Variants in GRM5 observed in about 807,000 individuals in gnomAD.
The protein encoded by GRM5 is glutamate metabotropic receptor 5.
GRM5 carries 19 observed loss-of-function variants against 83.1 expected under a neutral mutation model. The observed-to-expected ratio is 0.23, with a 90% CI of 0.16 to 0.34. The LOEUF is 0.34. GRM5 is among the 10% of genes least tolerant of loss of function. GRM5 has a pLI of 1.00. For missense variants in GRM5, 1,160 were observed against 1,588.3 expected, an observed-to-expected ratio of 0.73 and a Z score of 4.58; for synonymous variants, 675 against 633.6, an observed-to-expected ratio of 1.07 and a Z score of -0.98.
chr11:88,916,605 C>T (rs1230560875), intron 2 of GRM5, among the ~76,000 whole-genome samples: 1 of 151,978 alleles, frequency 6.6e-6, no homozygotes, highest in Non-Finnish European at 1.5e-5. Context: ...GACTGTAATT[C>T]CTGGGCAGTC....
intron 3 of GRM5, among the ~76,000 whole-genome samples, chr11:88,658,103 C>A (rs61902895): frequency 0.12 from 18,302 of 152,008 alleles, 1,461 homozygotes; most frequent in Non-Finnish European, 0.18. Flanking sequence ...AGCTCTGTCA[C>A]CTGTTAGATC....
In GRM5 at chr11:88,773,135, T is replaced by G. The variant is rs112622593; in HGVS notation, c.911+76771A>C. 2.5e-3 allele frequency among the ~76,000 whole-genome samples: 382 copies of G among 152,050 alleles called. 1 individual carries two copies. Among genetic ancestry groups the G allele is most frequent in the African/African-American group, 8.5e-3 (352 of 41,452 alleles). The stretch of plus-strand genomic sequence containing the variant: ...TGTTGTTTCCTGACTTTTTAATGAT[T>G]GCCATTCTAACTGGCATGAGATGGT... On this transcript the variant is annotated intron_variant, in intron 3 of 9. Coordinates refer to ENST00000305447, the MANE Select transcript of GRM5 (RefSeq NM_001143831.3).
intron 4 of GRM5, among the ~76,000 whole-genome samples, chr11:88,646,167 A>G (rs1161291286): frequency 6.6e-6 from 1 of 152,144 alleles, no homozygotes; most frequent in Non-Finnish European, 1.5e-5. Context: ...AGCAAGTGAC[A>G]GTATGGCTGT....
chr11:88,864,805 T>C (rs1000792638), intron 2 of GRM5, among the ~76,000 whole-genome samples: 3 of 152,092 alleles, frequency 2.0e-5, no homozygotes, highest in Non-Finnish European at 4.4e-5. Flanking sequence ...TGTGGGTTTC[T>C]CATAAATAGC....
chr11:88,605,005 C>A (rs369791540), intron 4 of GRM5, 41 bp from the exon 5 acceptor site: 4 of 1,549,968 alleles, frequency 2.6e-6, no homozygotes, highest in Admixed American at 3.4e-5. Flanking sequence ...AGGTACAAAT[C>A]TACTCTCGCG....
intron 9 of GRM5, chr11:88,523,013 G>T (rs191290159): frequency 6.6e-6 from 1 of 152,198 alleles, no homozygotes; most frequent in East Asian, 1.9e-4. Context: ...TACCCTCTCT[G>T]TCCCTTTCCC....
intron 3 of GRM5, among the ~76,000 whole-genome samples, chr11:88,661,205 C>T (rs2135317792): frequency 6.6e-6 from 1 of 152,248 alleles, no homozygotes; most frequent in East Asian, 1.9e-4. Context: ...ATGCTCAGTA[C>T]ATACCAAATA....
intron 2 of GRM5, among the ~76,000 whole-genome samples, chr11:88,974,390 T>TAGATAGATAGATAGAC (rs1939262285): frequency 6.6e-6 from 1 of 151,010 alleles, no homozygotes; most frequent in South Asian, 2.1e-4. Flanking sequence ...GATAGATAGA[T>TAGATAGATAGATAGAC]AGATAGATAG....
intron 3 of GRM5, among the ~76,000 whole-genome samples, chr11:88,717,905 A>G (rs965244443): frequency 2.0e-5 from 3 of 151,876 alleles, no homozygotes; most frequent in African/African-American, 7.2e-5. Context: ...TAATAATTAA[A>G]ATAGAATCTA....
intron 2 of GRM5, among the ~76,000 whole-genome samples, chr11:88,867,430 A>G (rs1340364179): frequency 6.6e-6 from 1 of 151,810 alleles, no homozygotes; most frequent in Non-Finnish European, 1.5e-5. Context: ...TATACCATAC[A>G]TAGGCTGTTC....
chr11:88,623,065 G>A (rs775299051), intron 4 of GRM5, among the ~76,000 whole-genome samples: 5 of 151,850 alleles, frequency 3.3e-5, no homozygotes, highest in African/African-American at 4.8e-5. Flanking sequence ...TAATGATGAT[G>A]GTAATAAGAT....
At chr11:89,002,171 A>T (rs1940403117) in intron 2 of GRM5, among the ~76,000 whole-genome samples, 1 of 152,198 alleles carries the variant, frequency 6.6e-6, no homozygotes. Flanking sequence ...TTTTCCAAAC[A>T]GTATCTAGGC....
At chr11:88,798,825 A>AAAAAAAAAAAAAAC (rs777932007) in intron 3 of GRM5, among the ~76,000 whole-genome samples, 4 of 145,236 alleles carry the variant, frequency 2.8e-5, no homozygotes, top group Admixed American at 7.8e-5. Context: ...AAAAAAAAAA[A>AAAAAAAAAAAAAAC]AACAACAACA....
At chr11:88,545,751 CCTCTT>C (rs1283525007) in intron 8 of GRM5, among the ~76,000 whole-genome samples, 1 of 152,010 alleles carries the variant, frequency 6.6e-6, no homozygotes, top group Non-Finnish European at 1.5e-5. Flanking sequence ...ATCTGATTTC[CCTCTT>C]CTCTTCTTGT....
intron 4 of GRM5, among the ~76,000 whole-genome samples, chr11:88,652,572 C>G (rs942008220): frequency 6.6e-6 from 1 of 152,044 alleles, no homozygotes; most frequent in African/African-American, 2.4e-5. Flanking sequence ...ATCTTGGTAT[C>G]CTTACAACTA....
chr11:88,984,783 A>G (rs1221263981), intron 2 of GRM5: 9 of 739,900 alleles, frequency 1.2e-5, no homozygotes, highest in Non-Finnish European at 2.0e-5. Context: ...CTGGGGAAAC[A>G]GAGAGACAGC....
intron 2 of GRM5, among the ~76,000 whole-genome samples, chr11:88,924,889 T>C (rs1352422691): frequency 1.3e-5 from 2 of 152,024 alleles, no homozygotes; most frequent in Non-Finnish European, 2.9e-5. Flanking sequence ...TAGTAAGCAT[T>C]TCACTATGTA....
intron 1 of GRM5, among the ~76,000 whole-genome samples, 134 bp downstream of exon 1, chr11:89,065,623 ACCTGCCCACCACTTGCCCT>A (rs1404317778): frequency 6.6e-6 from 1 of 151,798 alleles, no homozygotes; most frequent in African/African-American, 2.4e-5. Context: ...CCAGCCCTCC[ACCTGCCCACCACTTGCCCT>A]CCTGGGTCTT....
At chr11:88,701,757 C>T (rs1215003641) in intron 3 of GRM5, among the ~76,000 whole-genome samples, 2 of 152,024 alleles carry the variant, frequency 1.3e-5, no homozygotes, top group Non-Finnish European at 2.9e-5. Flanking sequence ...CTTTAATTTG[C>T]AATTAGTTAC....
Sources: allele counts gnomAD v4.1 joint callset (sites outside exome capture counted in the v4.1 genomes callset), GRCh38; gene constraint gnomAD v4.1.1; transcripts MANE v1.5; gene names NCBI Gene and HGNC (gene_info 2026-07-23, HGNC 2026-07-21).